The following ANKS1B variants were observed in gnomAD, a reference collection of about 807,000 sequenced individuals.
The protein encoded by ANKS1B is ankyrin repeat and sterile alpha motif domain containing 1B.
ANKS1B carries 36 observed loss-of-function variants against 148.3 expected under a neutral mutation model. The ratio of observed to expected loss-of-function variants is 0.24; its 90% confidence interval spans 0.19 to 0.32. The LOEUF is 0.32. Ranked by LOEUF, ANKS1B falls within the 10% of genes least tolerant of loss-of-function variation. ANKS1B has a pLI of 1.00. For synonymous variants in ANKS1B, 542 were observed against 560.8 expected (o/e 0.97, Z 0.47); for missense variants, 1,157 against 1,542.6 (o/e 0.75, Z 4.19).
chr12:99,539,193 G>A (rs771253624), intron 9 of ANKS1B, among the ~76,000 whole-genome samples: 1 of 152,126 alleles, frequency 6.6e-6, no homozygotes, highest in Admixed American at 6.6e-5. Context: ...CGTAAAAAGT[G>A]TGGGTAAAGG....
At chr12:99,458,368 G>C (rs1002840945) in intron 10 of ANKS1B, among the ~76,000 whole-genome samples, 10 of 149,508 alleles carry the variant, frequency 6.7e-5, no homozygotes, top group Non-Finnish European at 1.2e-4. Flanking sequence ...AGAAGATAGA[G>C]AGACAAGAAC....
At chr12:99,082,373 A>G (rs531006711) in intron 16 of ANKS1B, among the ~76,000 whole-genome samples, 1 of 152,184 alleles carries the variant, frequency 6.6e-6, no homozygotes, top group Non-Finnish European at 1.5e-5. Flanking sequence ...GAGATTTGAC[A>G]ATGTATAGGA....
intron 14 of ANKS1B, among the ~76,000 whole-genome samples, chr12:99,243,994 T>C (rs7312467): frequency 0.064 from 9,710 of 151,966 alleles, 1,034 homozygotes; most frequent in African/African-American, 0.22. Flanking sequence ...ATTGTGCACA[T>C]GTACCCTAGC....
At chr12:98,894,323 A>G (rs2099758918) in intron 17 of ANKS1B, among the ~76,000 whole-genome samples, 1 of 148,728 alleles carries the variant, frequency 6.7e-6, no homozygotes, top group Admixed American at 6.8e-5. Context: ...ACACCCAGCA[A>G]TTTACCTCCT....
chr12:99,684,577 T>A (rs1293923069), intron 8 of ANKS1B, among the ~76,000 whole-genome samples: 1 of 151,480 alleles, frequency 6.6e-6, no homozygotes, highest in Non-Finnish European at 1.5e-5. Flanking sequence ...GAAAAAACAA[T>A]CCTAAAATTT....
At chr12:99,723,750 G>C (rs1482201725) in intron 8 of ANKS1B, among the ~76,000 whole-genome samples, 7 of 152,140 alleles carry the variant, frequency 4.6e-5, no homozygotes, top group Admixed American at 4.6e-4. Flanking sequence ...ACTGGCATCA[G>C]ATCGGTGCTC....
intron 1 of ANKS1B, among the ~76,000 whole-genome samples, chr12:99,842,007 A>G (rs906332377): frequency 3.9e-5 from 6 of 152,220 alleles, no homozygotes; most frequent in South Asian, 4.1e-4. Context: ...GTTCTTAACT[A>G]TAAGAATTCA....
intron 14 of ANKS1B, among the ~76,000 whole-genome samples, chr12:99,168,534 G>A (rs1454613017): frequency 1.6e-4 from 24 of 149,046 alleles, no homozygotes; most frequent in Admixed American, 1.3e-3. Context: ...AAAAAAAAAA[G>A]GAAGTTAAAA....
intron 9 of ANKS1B, among the ~76,000 whole-genome samples, chr12:99,528,532 C>T (rs1452952034): frequency 6.6e-6 from 1 of 150,418 alleles, no homozygotes; most frequent in East Asian, 1.9e-4. Flanking sequence ...AGGTCTAATC[C>T]CAAATCTATA....
At chr12:99,459,569 T>C (rs2095911768) in intron 10 of ANKS1B, among the ~76,000 whole-genome samples, 1 of 151,880 alleles carries the variant, frequency 6.6e-6, no homozygotes, top group South Asian at 2.1e-4. Context: ...AGTTTCAGGA[T>C]ACAAAATTAA....
chr12:99,691,044 A>G (rs2098676494), intron 8 of ANKS1B, among the ~76,000 whole-genome samples: 1 of 152,200 alleles, frequency 6.6e-6, no homozygotes, highest in Admixed American at 6.5e-5. Flanking sequence ...TAGGCTCAAC[A>G]CTATGTGGAA....
chr12:99,178,633 GT>G (rs1262318975), intron 14 of ANKS1B, among the ~76,000 whole-genome samples: 1 of 152,084 alleles, frequency 6.6e-6, no homozygotes, highest in Non-Finnish European at 1.5e-5. Flanking sequence ...CCTTTTAAAT[GT>G]TTGTTCCCTA....
In ANKS1B at chr12:99,612,135, A is replaced by G. The variant is rs116375385; in HGVS notation, c.1272+42932T>C. 5.6e-3 allele frequency among the ~76,000 whole-genome samples: 849 copies of G among 152,204 alleles called. 15 individuals carry two copies. Among genetic ancestry groups the G allele is most frequent in the African/African-American group, 0.019 (805 of 41,548 alleles). ...TGAAGTACCACAGCAACCTTTCTTAAGCCCCAAGCAATGCAAAGTCATGAC... is the reference window on the plus strand; with the variant it reads ...TGAAGTACCACAGCAACCTTTCTTAGGCCCCAAGCAATGCAAAGTCATGAC... On this transcript the variant is annotated intron_variant, in intron 9 of 26. Coordinates refer to ENST00000683438, the MANE Select transcript of ANKS1B (RefSeq NM_001352186.2).
intron 7 of ANKS1B, 75 bp downstream of exon 7, chr12:99,775,473 T>C (rs769707835): frequency 8.3e-5 from 79 of 952,520 alleles, no homozygotes; most frequent in Middle Eastern, 5.6e-4. Flanking sequence ...GGATATAACC[T>C]ATTAGACTTG....
intron 16 of ANKS1B, among the ~76,000 whole-genome samples, chr12:99,060,628 A>G (rs2042078966): frequency 6.6e-6 from 1 of 150,864 alleles, no homozygotes. Context: ...ATATATATAT[A>G]TACACACATA....
chr12:98,958,402 C>T (rs768041330), intron 17 of ANKS1B, among the ~76,000 whole-genome samples: 7 of 152,174 alleles, frequency 4.6e-5, no homozygotes, highest in Non-Finnish European at 7.3e-5. Context: ...GATACTCACT[C>T]GAATGTGATA....
intron 12 of ANKS1B, among the ~76,000 whole-genome samples, chr12:99,397,100 A>G (rs2094270058): frequency 6.6e-6 from 1 of 152,146 alleles, no homozygotes; most frequent in African/African-American, 2.4e-5. Flanking sequence ...CAGACAATAC[A>G]TTTTAATGCT....
At chr12:99,294,125 A>G (rs1031826700) in intron 12 of ANKS1B, among the ~76,000 whole-genome samples, 2 of 152,226 alleles carry the variant, frequency 1.3e-5, no homozygotes, top group African/African-American at 2.4e-5. Context: ...GTAGGTTACT[A>G]AAAAACTACA....
At chr12:99,487,403 T>C (rs564800952) in intron 10 of ANKS1B, among the ~76,000 whole-genome samples, 33 of 152,320 alleles carry the variant, frequency 2.2e-4, no homozygotes, top group East Asian at 1.2e-3. Flanking sequence ...CATCATGACA[T>C]AGACATGCTT....
Sources: gnomAD v4.1 joint callset for allele counts (sites outside exome capture counted in the v4.1 genomes callset) on GRCh38, gnomAD v4.1.1 for gene constraint, MANE v1.5 for transcripts, NCBI Gene and HGNC (gene_info 2026-07-23, HGNC 2026-07-21) for gene names.